The following IFT22 variants were observed in gnomAD, a reference collection of about 807,000 sequenced individuals.
IFT22 encodes the protein intraflagellar transport protein 22 homolog.
In IFT22, 13 loss-of-function variants were observed where a neutral mutation model predicts 21.0. That is an observed-to-expected ratio of 0.62 (90% CI 0.40 to 0.98). The LOEUF (loss-of-function observed/expected upper bound fraction) is 0.98, where lower values mean the gene tolerates loss of function less well. Among genes scored for constraint, IFT22 ranks in the 50% least tolerant of loss-of-function variants. IFT22 has a pLI of 0.00. For synonymous variants in IFT22, 67 were observed against 82.4 expected, an observed-to-expected ratio of 0.81 and a Z score of 1.01; for missense variants, 227 against 228.9, an observed-to-expected ratio of 0.99 and a Z score of 0.06.
In IFT22 at chr7:101,318,220, G is replaced by A. The variant is rs756514960; in HGVS notation, c.117-7C>T. ...GTTCTCAAATTCTAGGATCCTAAAA[G>A]GAAAAAGAAGAGCAGTAGGCTGGGT... is the stretch of plus-strand genomic sequence containing the variant. On this transcript the variant is annotated splice_polypyrimidine_tract_variant and splice_region_variant and intron_variant, in intron 2 of 4. Transcript: ENST00000315322. The A allele has an allele frequency of 6.2e-7, 1 of 1,609,464 alleles. No homozygotes were observed. Among genetic ancestry groups the A allele is most frequent in the Non-Finnish European group, 8.5e-7 (1 of 1,176,650 alleles).
chr7:101,315,997 C>CTT (rs59453200), intron 4 of IFT22: 53 of 141,910 alleles, frequency 3.7e-4, no homozygotes, highest in South Asian at 1.8e-3. Flanking sequence ...GGTCTTTTCT[C>CTT]TTTTTTTTTT....
At chr7:101,321,133 ACT>A (rs1415167413) in intron 1 of IFT22, among the ~76,000 whole-genome samples, 2 of 151,888 alleles carry the variant, frequency 1.3e-5, no homozygotes, top group African/African-American at 4.8e-5. Context: ...ACAGGGCGAG[ACT>A]CTGTCTCAAA....
rs915232157 is a variant in IFT22 at position 101,315,390 on chromosome 7, C to G, written c.410-108G>C. 13 of 1,221,016 alleles carry G rather than the reference C, an allele frequency of 1.1e-5. No homozygotes were observed. The African/African-American group carries it at 1.8e-4, about 17-fold the overall frequency. 75.6% of individuals were successfully genotyped at this position (1,221,016 alleles called of 1,614,324 possible). A position where few individuals can be genotyped will look rare whatever the true frequency, so the allele number is the denominator to read the frequency against. On this transcript the variant is annotated intron_variant, in intron 4 of 4. Coordinates refer to ENST00000315322, the MANE Select transcript of IFT22 (RefSeq NM_022777.4). ...ATTTAACTTTCTGAAGTTCACAGAT[C>G]AAGTTGTCTTCTTGACACCAGAGAA... is the stretch of plus-strand genomic sequence containing the variant.
In IFT22 at chr7:101,311,213, G is replaced by A. The variant is rs1024978681; in HGVS notation, c.*3921C>T. 2.0e-5 allele frequency among the ~76,000 whole-genome samples: 3 copies of A among 152,048 alleles called. No homozygotes were observed. The highest frequency in any genetic ancestry group is 6.6e-5 in the Admixed American group (1 of 15,252). On this transcript the variant is annotated 3_prime_UTR_variant, in exon 5 of 5. Coordinates refer to ENST00000315322, the MANE Select transcript of IFT22 (RefSeq NM_022777.4). ...TTTCACTGTTAGCCAGGATGGTCTC[G>A]ATCTCTTAACCTCGTAATCCACCCG...
At chr7:101,320,788 A>C (rs1278625691) in intron 1 of IFT22, among the ~76,000 whole-genome samples, 3 of 152,068 alleles carry the variant, frequency 2.0e-5, no homozygotes, top group Non-Finnish European at 2.9e-5. Context: ...GGACTGTTTG[A>C]GCCCAAGAGT....
At chr7:101,315,997 CTTTTT>C (rs59453200) in intron 4 of IFT22, 65 of 141,844 alleles carry the variant, frequency 4.6e-4, no homozygotes, top group South Asian at 9.9e-4. Context: ...GGTCTTTTCT[CTTTTT>C]TTTTTTTTTT....
In IFT22 at chr7:101,312,231, C is replaced by T. The variant is rs1224482677; in HGVS notation, c.*2903G>A. ...TCAGCTGGGGCAACATGGCAAAACC[C>T]CATCTCTACAAAAAGTACAAAAATT... On this transcript the variant is annotated 3_prime_UTR_variant, in exon 5 of 5. Coordinates refer to ENST00000315322, the MANE Select transcript of IFT22 (RefSeq NM_022777.4). Among the ~76,000 whole-genome samples, 2 of 151,978 alleles carry T rather than the reference C, an allele frequency of 1.3e-5. No individual in the cohort carries two copies. The highest frequency in any genetic ancestry group is 2.9e-5 in the Non-Finnish European group (2 of 68,014).
rs934461106 is a variant in IFT22 at position 101,310,989 on chromosome 7, ATTTTTTT to A, written c.*4138_*4144del. On this transcript the variant is annotated 3_prime_UTR_variant, in exon 5 of 5. Coordinates refer to ENST00000315322, the MANE Select transcript of IFT22 (RefSeq NM_022777.4). ...CAGGTGAACAAAATCTGCTGGGTTA[ATTTTTTT>A]TTTTTTTTTTTTTTTGAGATGGAGT... The A allele has an allele frequency of 2.1e-5, 5 of 239,402 alleles. No individual in the cohort carries two copies. Among genetic ancestry groups the A allele is most frequent in the South Asian group, 3.8e-5 (1 of 26,190 alleles). 14.8% of individuals were successfully genotyped at this position (239,402 alleles called of 1,614,324 possible).
At position 101,314,130 on chromosome 7, in the gene IFT22, T is replaced by TA. The variant is rs1310043927; in HGVS notation, c.*1003dup. 1 of 152,004 alleles carries TA rather than the reference T, an allele frequency of 6.6e-6. No homozygotes were observed. The highest frequency in any genetic ancestry group is 1.5e-5 in the Non-Finnish European group (1 of 68,122). The allele number at this position is 152,004 out of a possible 1,614,324, so 9.4% of individuals were successfully genotyped here. On this transcript the variant is annotated 3_prime_UTR_variant, in exon 5 of 5. Transcript: ENST00000315322. Reference sequence around the variant, plus strand: ...CCTTAGCATCCCAAAGTGCTGGGATTACAAGTGTGAGCCACCGCTCCTGGG... The same window carrying TA: ...CCTTAGCATCCCAAAGTGCTGGGATTAACAAGTGTGAGCCACCGCTCCTGGG...
At chr7:101,320,723 A>T (rs1790316879) in intron 1 of IFT22, among the ~76,000 whole-genome samples, 1 of 151,970 alleles carries the variant, frequency 6.6e-6, no homozygotes, top group South Asian at 2.1e-4. Flanking sequence ...AACGCCCAGG[A>T]CTCGAGCAAA....
chr7:101,321,752 G>A lies in IFT22; in HGVS notation c.-43C>T, dbSNP rs374479701. 9 of 1,561,192 alleles carry A rather than the reference G, an allele frequency of 5.8e-6. No individual in the cohort carries two copies. In the African/African-American group the frequency reaches 8.2e-5, roughly 14 times the overall value. On this transcript the variant is annotated 5_prime_UTR_variant, in exon 1 of 5. Transcript: ENST00000315322. ...TAGCCGGCCGGAGCCCACGGGAGGC[G>A]GCGCGTCAGGACGGAGCTCTACTTG...
chr7:101,316,496 C>A lies in IFT22; in HGVS notation c.253G>T (p.Val85Leu). ...GGGATGTCAGCATTGAAGACGATCA[C>A]CACTCCATGAGCATCCTTCATCAGG... ...PALMKDAHGVVIVFNADIPSH... is the reference protein window; with the variant it reads ...PALMKDAHGVLIVFNADIPSH... The change falls in exon 4 of 5, where the codon GTG (valine) becomes TTG (leucine). Residue 85 changes from valine to leucine, a missense_variant. Coordinates refer to ENST00000315322, the MANE Select transcript of IFT22 (RefSeq NM_022777.4). 1 of 1,614,142 alleles carries A rather than the reference C, an allele frequency of 6.2e-7. No homozygotes were observed. Among genetic ancestry groups the A allele is most frequent in the Non-Finnish European group, 8.5e-7 (1 of 1,180,032 alleles).
rs1427162794 is a variant in IFT22, at chr7:101,311,079, C to T, written c.*4055G>A. On this transcript the variant is annotated 3_prime_UTR_variant, in exon 5 of 5. Coordinates refer to ENST00000315322, the MANE Select transcript of IFT22 (RefSeq NM_022777.4). ...CGGGACCTCGGCTCACTGCAAGCTC[C>T]GCCTCCCAGGTTCACGCCATTCTCC... 7 of 240,446 alleles carry T rather than the reference C, an allele frequency of 2.9e-5. No homozygotes were observed. Among genetic ancestry groups the T allele is most frequent in the African/African-American group, 4.6e-5 (2 of 43,788 alleles). 14.9% of individuals were successfully genotyped at this position (240,446 alleles called of 1,614,324 possible).
In IFT22 at chr7:101,315,247, T is replaced by G. The variant is rs1790110336; in HGVS notation, c.445A>C (p.Asn149His). 4 of 1,614,016 alleles carry G rather than the reference T, an allele frequency of 2.5e-6. No homozygotes were observed. Among genetic ancestry groups the G allele is most frequent in the Non-Finnish European group, 3.4e-6 (4 of 1,180,008 alleles). ...PLNKLKLVHS[N>H]LEDDPEEIRM... is the part of the protein sequence containing the mutation. ...ATCTCCTCAGGGTCATCTTCCAGGT[T>G]TGAGTGCACCAGCTTCAGCTTGTTC... is the stretch of plus-strand genomic sequence containing the variant. Residue 149 changes from asparagine (N) to histidine (H), a missense_variant, in exon 5 of 5, where the codon AAC becomes CAC. Asn to His is a moderately conservative substitution (Grantham distance 68). Coordinates refer to ENST00000315322, the MANE Select transcript of IFT22 (RefSeq NM_022777.4).
rs1032159114 is a variant in IFT22, at chr7:101,316,376, G to A, written c.373C>T (p.Pro125Ser). Residue 125 changes from proline (P) to serine (S), a missense_variant, in exon 4 of 5, where the codon CCA (proline) becomes TCA (serine). Physicochemically the swap from Pro to Ser is moderately conservative, Grantham distance 74 (BLOSUM62 -1). Transcript: ENST00000315322. ...TQCMLIAHHK[P>S]GSGDDKGSLS... is the part of the protein sequence containing the mutation. ...CTTCCTTTATCATCTCCAGAGCCTG[G>A]TTTGTGGTGTGCAATTAGCATACAC... The A allele has an allele frequency of 1.7e-5, 28 of 1,614,028 alleles. No homozygotes were observed. The highest frequency in any genetic ancestry group is 1.6e-4 in the Middle Eastern group (1 of 6,084).
rs1373479456 is a variant in IFT22, at chr7:101,321,067, C to T, written c.39+604G>A. 3.9e-5 allele frequency among the ~76,000 whole-genome samples: 6 copies of T among 152,268 alleles called. No homozygotes were observed. The East Asian group carries it at 5.8e-4, about 15-fold the overall frequency. ...CTGAGGCAGGAGAATCGCTTGAACC[C>T]GGGAGGCGGAGTTTGCACTGAGCCA... On this transcript the variant is annotated intron_variant, in intron 1 of 4. Transcript: ENST00000315322.
Position 101,314,739 on chromosome 7 carries a change from C to A in IFT22, c.*395G>T, listed in dbSNP as rs576600519. ...CACACACAGCAGGTGCTCAGCCAGT[C>A]GGTATTTGTTGGGTGAATCAAGGAA... is the stretch of plus-strand genomic sequence containing the variant. On this transcript the variant is annotated 3_prime_UTR_variant, in exon 5 of 5. Transcript: ENST00000315322. 2.2e-5 allele frequency: 4 copies of A among 181,586 alleles called. No individual in the cohort carries two copies. The highest frequency in any genetic ancestry group is 7.1e-5 in the African/African-American group (3 of 42,090). 11.2% of individuals were successfully genotyped at this position (181,586 alleles called of 1,614,324 possible). A position where few individuals can be genotyped will look rare whatever the true frequency, so the allele number is the denominator to read the frequency against.
chr7:101,316,001 T>C (rs969658196), intron 4 of IFT22: 6 of 171,008 alleles, frequency 3.5e-5, no homozygotes, highest in South Asian at 1.6e-4. Flanking sequence ...TTTTCTCTTT[T>C]TTTTTTTTTT....
chr7:101,316,694 G>T, intron 3 of IFT22, 152 bp from the exon 4 acceptor site: 1 of 674,882 alleles, frequency 1.5e-6, no homozygotes, highest in Non-Finnish European at 2.5e-6. Context: ...GGAGGCCGAG[G>T]CGGGCGATCA....
Sources: gnomAD v4.1 joint callset for allele counts (sites outside exome capture counted in the v4.1 genomes callset) on GRCh38, gnomAD v4.1.1 for gene constraint, MANE v1.5 for transcripts, NCBI Gene and HGNC (gene_info 2026-07-23, HGNC 2026-07-21) for gene names.